The following THSD4 variants were observed in gnomAD, a reference collection of about 807,000 sequenced individuals.
THSD4 encodes thrombospondin type 1 domain containing 4, also known as thrombospondin type-1 domain-containing protein 4.
A neutral mutation model predicts 119.0 loss-of-function variants in THSD4; 69 were observed. The ratio of observed to expected loss-of-function variants is 0.58; its 90% CI spans 0.48 to 0.71. The LOEUF is 0.71. Among genes scored for constraint, THSD4 ranks in the 30% least tolerant of loss-of-function variants. The pLI, the probability that THSD4 is intolerant of heterozygous loss-of-function variation, is 0.00. For synonymous variants in THSD4, 524 were observed against 540.4 expected, an observed-to-expected ratio of 0.97 and a Z score of 0.42; for missense variants, 1,393 against 1,391.1, an observed-to-expected ratio of 1.00 and a Z score of -0.02.
intron 7 of THSD4, among the ~76,000 whole-genome samples, chr15:71,492,127 T>C (rs562434180): frequency 6.6e-5 from 10 of 152,250 alleles, no homozygotes; most frequent in African/African-American, 1.7e-4. Context: ...TATTTATATA[T>C]TATGGATGTT....
At chr15:71,306,548 T>C (rs1041453231) in intron 6 of THSD4, among the ~76,000 whole-genome samples, 33 of 152,094 alleles carry the variant, frequency 2.2e-4, no homozygotes, top group African/African-American at 7.0e-4. Flanking sequence ...AAAAAAGGGT[T>C]TGGAAAGGAA....
At chr15:71,486,946 C>G (rs112070859) in intron 7 of THSD4, among the ~76,000 whole-genome samples, 2,239 of 152,296 alleles carry the variant, frequency 0.015, 18 homozygotes, top group Middle Eastern at 0.051. Flanking sequence ...TATTGAGTAT[C>G]TGCCCACCAG....
At chr15:71,337,073 G>T (rs1248673661) in intron 6 of THSD4, among the ~76,000 whole-genome samples, 1 of 152,180 alleles carries the variant, frequency 6.6e-6, no homozygotes, top group Non-Finnish European at 1.5e-5. Context: ...GGGAGGCAAG[G>T]AGGAAAGAGA....
chr15:71,532,283 A>AGAGAGAGAGAGTGTGTGT (rs1379506089), intron 7 of THSD4, among the ~76,000 whole-genome samples: 4 of 101,574 alleles, frequency 3.9e-5, no homozygotes, highest in East Asian at 3.2e-4. Context: ...AGAGAGAGAG[A>AGAGAGAGAGAGTGTGTGT]GTGTGTGTGT....
chr15:71,450,725 C>T (rs1328349984), intron 7 of THSD4, among the ~76,000 whole-genome samples: 1 of 152,110 alleles, frequency 6.6e-6, no homozygotes, highest in African/African-American at 2.4e-5. Context: ...CTTCTAGGTT[C>T]CTTGGCTGGG....
chr15:71,554,054 C>T (rs772718209), intron 7 of THSD4, among the ~76,000 whole-genome samples: 5 of 149,780 alleles, frequency 3.3e-5, no homozygotes, highest in Non-Finnish European at 7.4e-5. Flanking sequence ...TGCTTTGAAA[C>T]AGTTTTGTTT....
intron 7 of THSD4, among the ~76,000 whole-genome samples, chr15:71,592,993 C>T (rs1351876545): frequency 1.3e-5 from 2 of 152,040 alleles, no homozygotes; most frequent in South Asian, 2.1e-4. Context: ...ATGCACCTAG[C>T]GAAAATAGAG....
chr15:71,752,861 C>T (rs2053473450), intron 14 of THSD4, among the ~76,000 whole-genome samples: 1 of 152,212 alleles, frequency 6.6e-6, no homozygotes, highest in Admixed American at 6.5e-5. Context: ...GAATGACCAG[C>T]GGATGGCAGT....
At chr15:71,472,555 T>C (rs923791308) in intron 7 of THSD4, among the ~76,000 whole-genome samples, 2 of 152,200 alleles carry the variant, frequency 1.3e-5, no homozygotes, top group Non-Finnish European at 2.9e-5. Flanking sequence ...TTTGCTCTTC[T>C]TAGAGAACAG....
chr15:71,207,514 A>T (rs967861101), intron 3 of THSD4, among the ~76,000 whole-genome samples: 1 of 152,158 alleles, frequency 6.6e-6, no homozygotes, highest in Non-Finnish European at 1.5e-5. Flanking sequence ...TTTTATGCAT[A>T]TATTGTAATA....
intron 5 of THSD4, among the ~76,000 whole-genome samples, chr15:71,245,279 C>T (rs569081157): frequency 1.3e-5 from 2 of 152,252 alleles, no homozygotes; most frequent in South Asian, 4.2e-4. Context: ...AAGTCCACAT[C>T]CTGCTTACCC....
rs373322880 is a variant in THSD4 at position 71,709,357 on chromosome 15, GA to G, written c.1358-19184del. Among the ~76,000 whole-genome samples the G allele has an allele frequency of 4.1e-3, 629 of 152,094 alleles. 1 individual carries two copies. The highest frequency in any genetic ancestry group is 5.9e-3 in the African/African-American group (243 of 41,502). On this transcript the variant is annotated intron_variant, in intron 8 of 17. Coordinates refer to ENST00000261862, the MANE Select transcript of THSD4 (RefSeq NM_024817.3). ...AAGGGTTTAGCAGCAGCACCTGTGT[GA>G]AAAAAAATCAAAGCGTTTTTATCAT... is the stretch of plus-strand genomic sequence containing the variant.
At chr15:71,463,230 A>G (rs751315883) in intron 7 of THSD4, among the ~76,000 whole-genome samples, 3 of 152,124 alleles carry the variant, frequency 2.0e-5, no homozygotes, top group South Asian at 2.1e-4. Flanking sequence ...ACTTCATCAT[A>G]TTAGTTATTT....
intron 14 of THSD4, among the ~76,000 whole-genome samples, chr15:71,755,416 T>C (rs1329482974): frequency 6.6e-6 from 1 of 152,194 alleles, no homozygotes; most frequent in Admixed American, 6.5e-5. Flanking sequence ...TTTCTCAATT[T>C]TTATTTAAAT....
intron 7 of THSD4, among the ~76,000 whole-genome samples, chr15:71,562,076 T>C (rs1186683602): frequency 6.6e-6 from 1 of 152,216 alleles, no homozygotes; most frequent in Non-Finnish European, 1.5e-5. Flanking sequence ...TTGGAGGTTA[T>C]GTGGCTTGCC....
intron 17 of THSD4, among the ~76,000 whole-genome samples, chr15:71,775,467 C>G (rs545406127): frequency 1.6e-4 from 24 of 151,604 alleles, no homozygotes; most frequent in African/African-American, 5.8e-4. Context: ...CTCAGCACTT[C>G]GGGAGGCCAA....
chr15:71,693,658 T>C (rs915823235), intron 8 of THSD4, among the ~76,000 whole-genome samples: 1 of 152,098 alleles, frequency 6.6e-6, no homozygotes. Flanking sequence ...GTAGCTCCCA[T>C]AATTCCCATG....
intron 7 of THSD4, among the ~76,000 whole-genome samples, chr15:71,551,192 G>C (rs945324421): frequency 6.6e-6 from 1 of 152,316 alleles, no homozygotes; most frequent in Non-Finnish European, 1.5e-5. Context: ...CAAATTGAAT[G>C]TGCATAAAAT....
chr15:71,109,246 T>C (rs189308060), intron 1 of THSD4, among the ~76,000 whole-genome samples: 2 of 152,200 alleles, frequency 1.3e-5, no homozygotes, highest in Admixed American at 1.3e-4. Context: ...AATGTCTTCA[T>C]GACTCAAGAC....
Sources: allele counts gnomAD v4.1 joint callset (sites outside exome capture counted in the v4.1 genomes callset), GRCh38; gene constraint gnomAD v4.1.1; transcripts MANE v1.5; gene names NCBI Gene and HGNC (gene_info 2026-07-23, HGNC 2026-07-21).